The following PDE1C variants were observed in gnomAD, a reference collection of about 807,000 sequenced individuals.
The protein encoded by PDE1C is phosphodiesterase 1C.
A neutral mutation model predicts 93.1 loss-of-function variants in PDE1C; 62 were observed. The ratio of observed to expected loss-of-function variants is 0.67; its 90% CI spans 0.54 to 0.82. The LOEUF (loss-of-function observed/expected upper bound fraction) is 0.82, where lower values mean the gene tolerates loss of function less well. PDE1C is among the 40% of genes least tolerant of loss of function. The pLI is 0.00. For synonymous variants in PDE1C, 325 were observed against 310.1 expected (o/e 1.05, Z -0.50); for missense variants, 742 against 884.6 (o/e 0.84, Z 2.04).
intron 1 of PDE1C, among the ~76,000 whole-genome samples, chr7:32,324,328 T>C (rs1439057313): frequency 6.6e-6 from 1 of 152,220 alleles, no homozygotes; most frequent in South Asian, 2.1e-4. Context: ...TGATTAATGA[T>C]TACTTGACCC....
At position 32,046,552 on chromosome 7, in the gene PDE1C, T is replaced by G. The variant is rs185505465; in HGVS notation, c.128+5002A>C. On this transcript the variant is annotated intron_variant, in intron 2 of 17. Coordinates refer to ENST00000396191, the MANE Select transcript of PDE1C (RefSeq NM_001191057.4). ...CTGTACCTATTAACAGAGGCAATTG[T>G]ACATATCTTGTTATTTCCAGTATTT... Among the ~76,000 whole-genome samples the G allele has an allele frequency of 7.9e-5, 12 of 152,322 alleles. No homozygotes were observed. In the East Asian group the frequency reaches 2.3e-3, roughly 29 times the overall value.
At chr7:31,755,857 A>T (rs1337758556) in intron 17 of PDE1C, among the ~76,000 whole-genome samples, 1 of 152,184 alleles carries the variant, frequency 6.6e-6, no homozygotes, top group African/African-American at 2.4e-5. Flanking sequence ...ACATCCTTCC[A>T]AAAAGTACAG....
intron 2 of PDE1C, among the ~76,000 whole-genome samples, chr7:32,021,637 T>A (rs1405088593): frequency 6.6e-6 from 1 of 152,170 alleles, no homozygotes; most frequent in Non-Finnish European, 1.5e-5. Flanking sequence ...GGCTGAAGAA[T>A]TTTGTGTACC....
intron 2 of PDE1C, among the ~76,000 whole-genome samples, chr7:31,937,691 C>G (rs1314200091): frequency 6.6e-6 from 1 of 152,176 alleles, no homozygotes; most frequent in African/African-American, 2.4e-5. Flanking sequence ...GTTTTAAAGT[C>G]TGTTCAAAAG....
In PDE1C at chr7:31,751,303, C is replaced by G. The variant is rs1280462560; in HGVS notation, c.*2081G>C. 1 of 152,002 alleles carries G rather than the reference C, an allele frequency of 6.6e-6. No individual in the cohort carries two copies. The highest frequency in any genetic ancestry group is 2.4e-5 in the African/African-American group (1 of 41,384). The allele number at this position is 152,002 out of a possible 1,614,324, so 9.4% of individuals were successfully genotyped here. On this transcript the variant is annotated 3_prime_UTR_variant, in exon 18 of 18. Coordinates refer to ENST00000396191, the MANE Select transcript of PDE1C (RefSeq NM_001191057.4). ...AAATCTCAACATCTGTACATTTGCT[C>G]CATTAAAATATTAGCAAAGGTTGAA...
chr7:32,158,728 A>C (rs570045578), intron 3 of PDE1C, among the ~76,000 whole-genome samples: 17 of 152,324 alleles, frequency 1.1e-4, no homozygotes, highest in African/African-American at 4.1e-4. Flanking sequence ...AGGCATGGAA[A>C]TATAATTCCT....
At position 31,758,919 on chromosome 7, in the gene PDE1C, C is replaced by T. The variant is rs368218710; in HGVS notation, c.1961-5366G>A. Among the ~76,000 whole-genome samples the T allele has an allele frequency of 9.9e-5, 15 of 152,280 alleles. 1 individual carries two copies. Among genetic ancestry groups the T allele is most frequent in the Admixed American group, 6.5e-4 (10 of 15,294 alleles). ...TCTCCATATTCATTCTATTTCACTA[C>T]TCAGCAGGAACTCAGCCAAAGTATT... On this transcript the variant is annotated intron_variant, in intron 17 of 17. Coordinates refer to ENST00000396191, the MANE Select transcript of PDE1C (RefSeq NM_001191057.4).
At chr7:31,663,096 C>T in the PDE1C span, among the ~76,000 whole-genome samples, 4 of 152,150 alleles carry the variant, frequency 2.6e-5, no homozygotes, top group Admixed American at 6.6e-5. Context: ...CCTTCTCAGT[C>T]CTCTATCCAG....
chr7:32,050,574 G>GTATGTA (rs1554486051), intron 2 of PDE1C, among the ~76,000 whole-genome samples: 1 of 150,664 alleles, frequency 6.6e-6, no homozygotes, highest in Non-Finnish European at 1.5e-5. Flanking sequence ...CTATGTGTAT[G>GTATGTA]TATATATATA....
At chr7:31,834,112 G>C (rs1790765501) in intron 11 of PDE1C, among the ~76,000 whole-genome samples, 1 of 152,210 alleles carries the variant, frequency 6.6e-6, no homozygotes, top group Admixed American at 6.5e-5. Context: ...ATGGTGTTGA[G>C]CCTGCAGGTG....
rs569280967 is a variant in PDE1C, at chr7:32,328,632, C to G, written c.310+99190G>C. 1.6e-3 allele frequency among the ~76,000 whole-genome samples: 239 copies of G among 152,240 alleles called. 1 individual carries two copies. Among genetic ancestry groups the G allele is most frequent in the Non-Finnish European group, 2.6e-3 (178 of 68,012 alleles). ...TCTCTGCCTGGAACACAACCCCATC[C>G]TCCACCCCCCATCCCCACTCCACCC... On this transcript the variant is annotated intron_variant, in intron 1 of 1. Transcript: ENST00000672256.
In PDE1C at chr7:31,875,831, A is replaced by ATATATATATGTATG. The variant is rs761399274; in HGVS notation, c.492+2138_492+2139insCATACATATATATA. Among the ~76,000 whole-genome samples, 31 of 90,114 alleles carry ATATATATATGTATG rather than the reference A, an allele frequency of 3.4e-4. 3 individuals carry two copies. The East Asian group carries it at 8.6e-3, about 25-fold the overall frequency. 59.1% of individuals were successfully genotyped at this position (90,114 alleles called of 152,430 possible). Reference sequence around the variant, plus strand: ...TATATATATATATATATATATATATATATAATGGAAAAAGTAAAATAACAT... The same window carrying ATATATATATGTATG: ...TATATATATATATATATATATATATATATATATATGTATGTATAATGGAAAAAGTAAAATAACAT... On this transcript the variant is annotated intron_variant, in intron 5 of 17. Coordinates refer to ENST00000396191, the MANE Select transcript of PDE1C (RefSeq NM_001191057.4).
At chr7:32,050,200 C>T (rs1793160782) in intron 2 of PDE1C, among the ~76,000 whole-genome samples, 1 of 152,122 alleles carries the variant, frequency 6.6e-6, no homozygotes. Context: ...CCACCTAACT[C>T]AAGAAAAGCC....
At position 32,338,927 on chromosome 7, in the gene PDE1C, T is replaced by C. The variant is rs559015198; in HGVS notation, c.310+88895A>G. On this transcript the variant is annotated intron_variant, in intron 1 of 1. Transcript: ENST00000672256. ...CTGAGGCAGGAGAATGGCATGAACC[T>C]GGGAGGTGGAGCTTGCAGTGACCCG... 3.2e-3 allele frequency among the ~76,000 whole-genome samples: 478 copies of C among 151,600 alleles called. 3 individuals carry two copies. Among genetic ancestry groups the C allele is most frequent in the African/African-American group, 0.011 (450 of 41,240 alleles).
intron 3 of PDE1C, among the ~76,000 whole-genome samples, chr7:32,168,273 G>A (rs541555999): frequency 3.3e-5 from 5 of 152,200 alleles, no homozygotes; most frequent in South Asian, 2.1e-4. Context: ...ACTGCTACAC[G>A]TTACAACTAA....
intron 1 of PDE1C, among the ~76,000 whole-genome samples, chr7:32,397,740 G>C (rs1367000192): frequency 1.3e-5 from 2 of 152,150 alleles, no homozygotes; most frequent in African/African-American, 4.8e-5. Flanking sequence ...TGAGGGTCAG[G>C]CACGGTGGCT....
intron 16 of PDE1C, among the ~76,000 whole-genome samples, chr7:31,799,149 T>C (rs908977904): frequency 3.3e-5 from 5 of 151,748 alleles, no homozygotes; most frequent in Non-Finnish European, 1.5e-5. Flanking sequence ...AAAGCATTTA[T>C]TGTTTCTCAA....
intron 3 of PDE1C, among the ~76,000 whole-genome samples, chr7:32,091,492 G>A (rs1323512080): frequency 6.6e-6 from 1 of 152,118 alleles, no homozygotes; most frequent in Non-Finnish European, 1.5e-5. Flanking sequence ...GGTGAGATGG[G>A]AGCCAAGCCT....
At chr7:32,164,778 G>A (rs895134311) in intron 3 of PDE1C, among the ~76,000 whole-genome samples, 1 of 152,138 alleles carries the variant, frequency 6.6e-6, no homozygotes, top group African/African-American at 2.4e-5. Context: ...CCAGAGGCTG[G>A]GGAGACAAAC....
Sources: gnomAD v4.1 joint callset for allele counts (sites outside exome capture counted in the v4.1 genomes callset) on GRCh38, gnomAD v4.1.1 for gene constraint, MANE v1.5 for transcripts, NCBI Gene and HGNC (gene_info 2026-07-23, HGNC 2026-07-21) for gene names.